KCMF1: variants seen among roughly 807,000 people sequenced by gnomAD.
The protein encoded by KCMF1 is potassium channel modulatory factor 1.
KCMF1 carries 3 observed loss-of-function variants against 41.1 expected under a neutral mutation model. The observed-to-expected ratio is 0.07, with a 90% CI of 0.03 to 0.19. KCMF1 has a LOEUF of 0.19. Ranked by LOEUF, KCMF1 falls within the 10% of genes least tolerant of loss-of-function variation. The probability of loss-of-function intolerance (pLI) is 1.00; values close to 1 mark genes in which losing one functional copy is unlikely to be tolerated. For synonymous variants in KCMF1, 142 were observed against 164.5 expected (o/e 0.86, Z 1.04); for missense variants, 286 against 488.9 (o/e 0.58, Z 3.91).
At chr2:85,013,566 G>A (rs1558575416) in intron 1 of KCMF1, among the ~76,000 whole-genome samples, 1 of 152,074 alleles carries the variant, frequency 6.6e-6, no homozygotes, top group Admixed American at 6.6e-5. Context: ...TTGGGAGGCC[G>A]AGGTGGGCGG....
chr2:85,056,275 A>T lies in KCMF1; in HGVS notation c.*2866A>T, dbSNP rs1675927594. On this transcript the variant is annotated 3_prime_UTR_variant, in exon 7 of 7. Coordinates refer to ENST00000409785, the MANE Select transcript of KCMF1 (RefSeq NM_020122.5). ...TTACACTATTAGAAATAATAGACGT[A>T]ACAAAAAAAATCCAGCCCATTATCC... The T allele has an allele frequency of 6.6e-6, 1 of 152,154 alleles. No homozygotes were observed. The highest frequency in any genetic ancestry group is 1.9e-4 in the East Asian group (1 of 5,200). 9.4% of individuals were successfully genotyped at this position (152,154 alleles called of 1,614,324 possible). A position where few individuals can be genotyped will look rare whatever the true frequency, so the allele number is the denominator to read the frequency against.
intron 1 of KCMF1, among the ~76,000 whole-genome samples, chr2:84,974,620 A>T (rs2103957091): frequency 7.2e-6 from 1 of 138,032 alleles, no homozygotes; most frequent in African/African-American, 2.7e-5. Flanking sequence ...GCTCTGTTCC[A>T]ATTAAAACTT....
rs971781843 is a variant in KCMF1 at position 85,056,634 on chromosome 2, G to T, written c.*3225G>T. On this transcript the variant is annotated 3_prime_UTR_variant, in exon 7 of 7. Transcript: ENST00000409785. ...TACGGTAGCAGGTGGCTGCAGAAAA[G>T]AATCTTTTGAATGGGATTCCTGTAA... 5.3e-5 allele frequency: 8 copies of T among 151,780 alleles called. No individual in the cohort carries two copies. Among genetic ancestry groups the T allele is most frequent in the African/African-American group, 1.9e-4 (8 of 41,408 alleles). 9.4% of individuals were successfully genotyped at this position (151,780 alleles called of 1,614,324 possible).
intron 1 of KCMF1, among the ~76,000 whole-genome samples, chr2:84,977,512 G>A (rs527826217): frequency 2.0e-5 from 3 of 151,832 alleles, no homozygotes; most frequent in Non-Finnish European, 4.4e-5. Flanking sequence ...CATTGACCTC[G>A]CAGGCTCAAA....
At chr2:84,973,985 A>C (rs1573999281) in intron 1 of KCMF1, among the ~76,000 whole-genome samples, 1 of 149,152 alleles carries the variant, frequency 6.7e-6, no homozygotes, top group East Asian at 2.0e-4. Flanking sequence ...CTGCCACCAC[A>C]CCCATCCAAT....
intron 4 of KCMF1, among the ~76,000 whole-genome samples, 186 bp from the exon 5 acceptor site, chr2:85,045,918 C>T (rs548878674): frequency 6.6e-6 from 1 of 152,274 alleles, no homozygotes; most frequent in African/African-American, 2.4e-5. Context: ...TGTTGCCTTA[C>T]ATTTGAGTGT....
rs1486380635 is a variant in KCMF1 at position 84,982,463 on chromosome 2, G to A, written c.16+10996G>A. On this transcript the variant is annotated intron_variant, in intron 1 of 6. Transcript: ENST00000409785. ...GTCGCCCAGGCTGGAGTGCAGTGGC[G>A]CAATCTCGGCTCACTGCAACCTCCA... Among the ~76,000 whole-genome samples, 9 of 130,160 alleles carry A rather than the reference G, an allele frequency of 6.9e-5. No individual in the cohort carries two copies. In the East Asian group the frequency reaches 2.3e-3, roughly 33 times the overall value. 85.4% of individuals were successfully genotyped at this position (130,160 alleles called of 152,430 possible).
At chr2:85,020,094 A>C (rs535835087) in intron 1 of KCMF1, among the ~76,000 whole-genome samples, 2 of 152,142 alleles carry the variant, frequency 1.3e-5, no homozygotes, top group Non-Finnish European at 2.9e-5. Flanking sequence ...TAGAGCGAGC[A>C]AGGGATAAGT....
intron 1 of KCMF1, among the ~76,000 whole-genome samples, chr2:85,025,490 G>A (rs1675075619): frequency 6.6e-6 from 1 of 152,050 alleles, no homozygotes. Context: ...TCCCAAACTT[G>A]AAAACTCTCT....
At chr2:85,000,271 G>A (rs1397208788) in intron 1 of KCMF1, among the ~76,000 whole-genome samples, 2 of 151,954 alleles carry the variant, frequency 1.3e-5, no homozygotes, top group African/African-American at 2.4e-5. Context: ...GACTACAGGT[G>A]CCCGCTACCA....
intron 5 of KCMF1, among the ~76,000 whole-genome samples, chr2:85,048,928 G>A (rs1294912660): frequency 6.6e-6 from 1 of 152,172 alleles, no homozygotes; most frequent in Admixed American, 6.5e-5. Flanking sequence ...TTCAGTAAAT[G>A]TTTGAATTCC....
chr2:85,020,907 G>T (rs953677844), intron 1 of KCMF1, among the ~76,000 whole-genome samples: 1 of 151,906 alleles, frequency 6.6e-6, no homozygotes, highest in African/African-American at 2.4e-5. Flanking sequence ...GGTTTGCTCT[G>T]TCTCCAGGCT....
In KCMF1 at chr2:85,034,117, C is replaced by G. The variant is rs1675351040; in HGVS notation, c.185-899C>G. 2.6e-5 allele frequency among the ~76,000 whole-genome samples: 4 copies of G among 152,138 alleles called. No individual in the cohort carries two copies. In the South Asian group the frequency reaches 6.2e-4, roughly 24 times the overall value. The stretch of plus-strand genomic sequence containing the variant: ...GGCTGAGGCAGGAGGATCATTTGAG[C>G]CCAGATACTGAGTCTGCAGTGAGCT... On this transcript the variant is annotated intron_variant, in intron 2 of 6. Coordinates refer to ENST00000409785, the MANE Select transcript of KCMF1 (RefSeq NM_020122.5).
intron 1 of KCMF1, among the ~76,000 whole-genome samples, chr2:84,998,175 T>C (rs962212296): frequency 6.6e-6 from 1 of 151,302 alleles, no homozygotes. Flanking sequence ...CACTGCAACC[T>C]CTGCCTCCCA....
intron 1 of KCMF1, among the ~76,000 whole-genome samples, chr2:84,993,548 A>ATTATT: frequency 6.8e-6 from 1 of 146,020 alleles, no homozygotes; most frequent in East Asian, 2.1e-4. Context: ...CTCTACCCCC[A>ATTATT]TTATTTATTT....
chr2:85,004,072 A>T (rs972678144), intron 1 of KCMF1, among the ~76,000 whole-genome samples: 2 of 152,190 alleles, frequency 1.3e-5, no homozygotes, highest in Admixed American at 6.5e-5. Context: ...CAAAGGGATG[A>T]TTCACCTCCG....
At chr2:85,039,563 A>C (rs1297419762) in intron 3 of KCMF1, among the ~76,000 whole-genome samples, 1 of 152,230 alleles carries the variant, frequency 6.6e-6, no homozygotes, top group East Asian at 1.9e-4. Flanking sequence ...CATTGGCAAC[A>C]AACTGTGCTA....
At position 84,977,897 on chromosome 2, in the gene KCMF1, T is replaced by G. The variant is rs568693696; in HGVS notation, c.16+6430T>G. 3.3e-5 allele frequency among the ~76,000 whole-genome samples: 5 copies of G among 152,338 alleles called. No homozygotes were observed. The South Asian group carries it at 1.0e-3, about 32-fold the overall frequency. Reference sequence around the variant, plus strand: ...TTTTCCCATATTTTTATATTCATGTTTAAGTTAAAATGTAGTAAAACATAA... The same window carrying G: ...TTTTCCCATATTTTTATATTCATGTGTAAGTTAAAATGTAGTAAAACATAA... On this transcript the variant is annotated intron_variant, in intron 1 of 6. Transcript: ENST00000409785.
At chr2:85,019,541 TAGC>T (rs1674875384) in intron 1 of KCMF1, among the ~76,000 whole-genome samples, 1 of 152,168 alleles carries the variant, frequency 6.6e-6, no homozygotes, top group South Asian at 2.1e-4. Flanking sequence ...GAAAGGATGA[TAGC>T]AGGCTATATG....
Sources: allele counts gnomAD v4.1 joint callset (sites outside exome capture counted in the v4.1 genomes callset), GRCh38; gene constraint gnomAD v4.1.1; transcripts MANE v1.5; gene names NCBI Gene and HGNC (gene_info 2026-07-23, HGNC 2026-07-21).